The following STS variants were observed in gnomAD, a reference collection of about 807,000 sequenced individuals.
The protein encoded by STS is steroid sulfatase, also known as steryl-sulfatase.
Under a neutral mutation model 26.8 loss-of-function variants are expected in STS, and 7 were observed. That is an observed-to-expected ratio of 0.26 (90% CI 0.15 to 0.49). STS has a LOEUF of 0.49. STS is among the 20% of genes least tolerant of loss of function. The pLI is 0.98. For synonymous variants in STS, 199 were observed against 189.4 expected, an observed-to-expected ratio of 1.05 and a Z score of -0.42; for missense variants, 434 against 465.6, an observed-to-expected ratio of 0.93 and a Z score of 0.63.
chrX:7,292,700 G>A (rs1186564697), intron 7 of STS, among the ~76,000 whole-genome samples: 1 of 110,902 alleles, frequency 9.0e-6, no homozygotes, highest in African/African-American at 3.3e-5. Context: ...ATGCCAAGTT[G>A]ACCATTCACA....
intron 9 of STS, among the ~76,000 whole-genome samples, chrX:7,327,912 T>C (rs1372848101): frequency 8.9e-6 from 1 of 112,099 alleles, no homozygotes; most frequent in Non-Finnish European, 1.9e-5. Context: ...TTAGTACAGT[T>C]CTTTCCTCTT....
intron 1 of STS, among the ~76,000 whole-genome samples, chrX:7,156,598 T>C (rs1364893901): frequency 8.9e-6 from 1 of 111,801 alleles, no homozygotes; most frequent in Non-Finnish European, 1.9e-5. Flanking sequence ...GCAATAAATT[T>C]CCATGACTCC....
At chrX:7,263,889 T>C (rs1923876093) in intron 6 of STS, among the ~76,000 whole-genome samples, 1 of 111,581 alleles carries the variant, frequency 9.0e-6, no homozygotes, top group Non-Finnish European at 1.9e-5. Context: ...ATTATTGAAA[T>C]TGATTTCCAA....
chrX:7,213,332 G>A (rs1196368797), intron 2 of STS, among the ~76,000 whole-genome samples: 3 of 112,165 alleles, frequency 2.7e-5, no homozygotes, highest in Non-Finnish European at 3.8e-5. Context: ...GTACTGACAA[G>A]ACACAGAGGA....
Position 7,214,744 on chromosome X carries a change from T to C in STS, c.-5+23736T>C, listed in dbSNP as rs749144776. 9.8e-4 allele frequency among the ~76,000 whole-genome samples: 106 copies of C among 107,946 alleles called. 1 individual carries two copies. The highest frequency in any genetic ancestry group is 2.5e-4 in the Non-Finnish European group (13 of 52,451). The allele number at this position is 107,946 out of a possible 115,157, so 93.7% of individuals were successfully genotyped here. On this transcript the variant is annotated intron_variant, in intron 2 of 10. Transcript: ENST00000674429. ...CCCAAAGTCCATTGCATCATTCTTA[T>C]GCCTTTGCATCCTCATAGCTTAGCT...
At position 7,190,976 on chromosome X, in the gene STS, A is replaced by G. The variant is rs1285200237; in HGVS notation, c.-37A>G. 1 of 751,651 alleles carries G rather than the reference A, an allele frequency of 1.3e-6. No individual in the cohort carries two copies. The highest frequency in any genetic ancestry group is 1.6e-6 in the Non-Finnish European group (1 of 638,799). 61.9% of individuals were successfully genotyped at this position (751,651 alleles called of 1,213,427 possible). On this transcript the variant is annotated 5_prime_UTR_variant, in exon 2 of 11. Transcript: ENST00000674429. Reference sequence around the variant, plus strand: ...AGTAAGTTAAGATCTTCCTGAGGACAATGGCGCAAGATCGTCTTCAGCTGT... The same window carrying G: ...AGTAAGTTAAGATCTTCCTGAGGACGATGGCGCAAGATCGTCTTCAGCTGT...
intron 8 of STS, among the ~76,000 whole-genome samples, chrX:7,318,051 A>G (rs184222345): frequency 1.8e-5 from 2 of 112,074 alleles, no homozygotes; most frequent in Non-Finnish European, 3.8e-5. Flanking sequence ...ACCTTTGCCA[A>G]AGTTTTCTTG....
At chrX:7,229,202 A>G (rs1249435948) in intron 2 of STS, among the ~76,000 whole-genome samples, 2 of 112,505 alleles carry the variant, frequency 1.8e-5, no homozygotes, top group African/African-American at 6.5e-5. Flanking sequence ...ATTTTCGCCT[A>G]GAAAACATCA....
At chrX:7,210,480 A>AATAAATTTTTAAATATTAAATAT (rs1396133570) in intron 2 of STS, among the ~76,000 whole-genome samples, 2 of 107,542 alleles carry the variant, frequency 1.9e-5, no homozygotes, top group African/African-American at 6.6e-5. Flanking sequence ...TTTTATTTTA[A>AATAAATTTTTAAATATTAAATAT]ATAAATTTTT....
At chrX:7,218,439 G>T (rs938919953) in intron 2 of STS, among the ~76,000 whole-genome samples, 2 of 111,930 alleles carry the variant, frequency 1.8e-5, no homozygotes, top group Non-Finnish European at 3.8e-5. Context: ...CTGCAATTTT[G>T]CTTTTCCTGC....
chrX:7,266,511 C>G (rs1304184360), intron 6 of STS, among the ~76,000 whole-genome samples: 1 of 111,733 alleles, frequency 8.9e-6, no homozygotes, highest in Non-Finnish European at 1.9e-5. Context: ...TCCACAATCC[C>G]TCACCCTAAT....
chrX:7,215,156 TAC>T (rs1921257471), intron 2 of STS, among the ~76,000 whole-genome samples: 1 of 95,725 alleles, frequency 1.0e-5, no homozygotes, highest in Non-Finnish European at 2.1e-5. Context: ...TATATATATA[TAC>T]ACACCACAGT....
At chrX:7,254,841 C>A (rs139012887) in intron 3 of STS, among the ~76,000 whole-genome samples, 4,614 of 110,533 alleles carry the variant, frequency 0.042, 229 homozygotes, top group African/African-American at 0.14. Flanking sequence ...CCTCGGCCTC[C>A]CAAAGTGCTG....
chrX:7,237,253 A>G (rs1186795111), intron 2 of STS, among the ~76,000 whole-genome samples: 1 of 109,916 alleles, frequency 9.1e-6, no homozygotes, highest in African/African-American at 3.3e-5. Flanking sequence ...AGAGAAAAAC[A>G]AAACAACAAA....
chrX:7,232,696 A>G (rs1922118101), intron 2 of STS, among the ~76,000 whole-genome samples: 1 of 111,972 alleles, frequency 8.9e-6, no homozygotes, highest in Non-Finnish European at 1.9e-5. Flanking sequence ...TAGAAGCACT[A>G]TTGTGAATAG....
In STS at chrX:7,147,945, T is replaced by C; in HGVS notation, c.-272T>C. The C allele has an allele frequency of 6.3e-6, 4 of 632,091 alleles. No homozygotes were observed. The highest frequency in any genetic ancestry group is 9.7e-6 in the Non-Finnish European group (4 of 413,244). The allele number at this position is 632,091 out of a possible 1,213,427, so 52.1% of individuals were successfully genotyped here. A position where few individuals can be genotyped will look rare whatever the true frequency, so the allele number is the denominator to read the frequency against. On this transcript the variant is annotated 5_prime_UTR_variant, in exon 1 of 11. The change abolishes an upstream ATG in the 5' untranslated region. Coordinates refer to ENST00000674429, the MANE Select transcript of STS (RefSeq NM_001320752.2). Reference sequence around the variant, plus strand: ...GCGCGGGAGCCCGAGCGTCCCTGCATGAACACCGCCCCGCCGCGGCCCCCA... The same window carrying C: ...GCGCGGGAGCCCGAGCGTCCCTGCACGAACACCGCCCCGCCGCGGCCCCCA...
At chrX:7,315,865 C>G (rs748567190) in intron 8 of STS, among the ~76,000 whole-genome samples, 6 of 111,327 alleles carry the variant, frequency 5.4e-5, no homozygotes, top group Admixed American at 9.5e-5. Context: ...CTCTCCCAGC[C>G]CACTGACTCA....
chrX:7,205,641 CTTTTTT>C, intron 2 of STS, among the ~76,000 whole-genome samples: 1 of 87,982 alleles, frequency 1.1e-5, no homozygotes, highest in East Asian at 3.5e-4. Context: ...TTTCTTTTTT[CTTTTTT>C]TTTTTTTTTG....
intron 10 of STS, among the ~76,000 whole-genome samples, chrX:7,347,322 G>A (rs1421628441): frequency 8.9e-6 from 1 of 111,877 alleles, no homozygotes; most frequent in Non-Finnish European, 1.9e-5. Flanking sequence ...CAGAGAAACA[G>A]CACAGAGACT....
Sources: gnomAD v4.1 joint callset for allele counts (sites outside exome capture counted in the v4.1 genomes callset) on GRCh38, gnomAD v4.1.1 for gene constraint, MANE v1.5 for transcripts, NCBI Gene and HGNC (gene_info 2026-07-23, HGNC 2026-07-21) for gene names.